Variants in SUCLA2 observed in about 807,000 individuals in gnomAD.
The protein encoded by SUCLA2 is succinate-CoA ligase ADP-forming subunit beta, also known as succinate--CoA ligase [ADP-forming] subunit beta, mitochondrial.
SUCLA2 carries 30 observed loss-of-function variants against 54.8 expected under a neutral mutation model. The observed-to-expected ratio is 0.55, with a 90% CI of 0.41 to 0.74. The LOEUF is 0.74. Ranked by LOEUF, SUCLA2 falls within the 30% of genes least tolerant of loss-of-function variation. The pLI, the probability that SUCLA2 is intolerant of heterozygous loss-of-function variation, is 0.00. For synonymous variants in SUCLA2, 172 were observed against 188.9 expected (o/e 0.91, Z 0.74); for missense variants, 476 against 562.9 (o/e 0.85, Z 1.56).
At chr13:47,998,767 C>T (rs1276044851) in intron 1 of SUCLA2, among the ~76,000 whole-genome samples, 1 of 152,148 alleles carries the variant, frequency 6.6e-6, no homozygotes, top group Non-Finnish European at 1.5e-5. Flanking sequence ...AGAGAGAGGA[C>T]ATGAGAGCCT....
chr13:47,962,090 A>T (rs1949875494), intron 6 of SUCLA2, among the ~76,000 whole-genome samples: 1 of 152,162 alleles, frequency 6.6e-6, no homozygotes, highest in Non-Finnish European at 1.5e-5. Context: ...GACTGAAATA[A>T]TTTTTATGGC....
chr13:47,982,125 A>G (rs955461253), intron 4 of SUCLA2, among the ~76,000 whole-genome samples: 4 of 152,240 alleles, frequency 2.6e-5, no homozygotes, highest in African/African-American at 9.6e-5. Flanking sequence ...TGAAAACAGG[A>G]TCTCAAAGAA....
chr13:47,946,300 G>A (rs1566079843), intron 10 of SUCLA2, among the ~76,000 whole-genome samples: 1 of 152,172 alleles, frequency 6.6e-6, no homozygotes, highest in Non-Finnish European at 1.5e-5. Flanking sequence ...CTGTGATTCA[G>A]GCACCCACTA....
rs1315161171 is a variant in SUCLA2, at chr13:48,000,496, G to C, written c.90+684C>G. ...TGCTGAAAAACCTGAGAAACTACAC[G>C]TAAAGCGCTTAGCACATTACCTGGC... On this transcript the variant is annotated intron_variant, in intron 1 of 10. Coordinates refer to ENST00000646932, the MANE Select transcript of SUCLA2 (RefSeq NM_003850.3). Among the ~76,000 whole-genome samples the C allele has an allele frequency of 3.9e-5, 6 of 152,150 alleles. No individual in the cohort carries two copies. In the East Asian group the frequency reaches 1.2e-3, roughly 29 times the overall value.
Position 47,968,598 on chromosome 13 carries a change from C to G in SUCLA2, c.799G>C (p.Ala267Pro). The change falls in exon 6 of 11, where the codon GCT becomes CCT. Residue 267 changes from alanine (A) to proline (P), a missense_variant. By Grantham distance (27) the Ala-to-Pro change is conservative (BLOSUM62 -1). Coordinates refer to ENST00000646932, the MANE Select transcript of SUCLA2 (RefSeq NM_003850.3). ...INPMVEDSDGAVLCMDAKINF... is the reference protein window; with the variant it reads ...INPMVEDSDGPVLCMDAKINF... ...TAGACAAAAGAAGATACTTTACCAG[C>G]TCCATCTGAATCTTCCACCATTGGA... 2 of 1,611,610 alleles carry G rather than the reference C, an allele frequency of 1.2e-6. No homozygotes were observed. The highest frequency in any genetic ancestry group is 1.7e-6 in the Non-Finnish European group (2 of 1,179,720).
In SUCLA2 at chr13:47,943,209, TG is replaced by T; in HGVS notation, c.*161del. 8.0e-6 allele frequency: 6 copies of T among 749,006 alleles called. No homozygotes were observed. The highest frequency in any genetic ancestry group is 1.4e-5 in the Non-Finnish European group (6 of 416,394). The allele number at this position is 749,006 out of a possible 1,614,324, so 46.4% of individuals were successfully genotyped here. ...CTTCGTACAAACAGTCCATTCTGAA[TG>T]GTACAATTAAATGCAGTCCAAATCC... On this transcript the variant is annotated 3_prime_UTR_variant, in exon 11 of 11. Transcript: ENST00000646932.
At chr13:47,980,812 A>C (rs1950055713) in intron 4 of SUCLA2, among the ~76,000 whole-genome samples, 1 of 152,172 alleles carries the variant, frequency 6.6e-6, no homozygotes, top group African/African-American at 2.4e-5. Context: ...AATGATCTTC[A>C]ACAATGGTGG....
intron 10 of SUCLA2, among the ~76,000 whole-genome samples, chr13:47,947,512 TATA>T (rs1949742218): frequency 6.6e-6 from 1 of 152,172 alleles, no homozygotes; most frequent in Admixed American, 6.5e-5. Flanking sequence ...AAGCATTACA[TATA>T]ATAAGTGAAG....
intron 6 of SUCLA2, among the ~76,000 whole-genome samples, chr13:47,967,053 T>G (rs985927575): frequency 6.6e-6 from 1 of 152,134 alleles, no homozygotes; most frequent in Non-Finnish European, 1.5e-5. Flanking sequence ...TTATATTAAT[T>G]TCCAATGTTA....
chr13:47,979,040 A>C (rs1018749973), intron 4 of SUCLA2, among the ~76,000 whole-genome samples: 2 of 152,236 alleles, frequency 1.3e-5, no homozygotes, highest in Non-Finnish European at 2.9e-5. Flanking sequence ...AATGTGGAGA[A>C]ACAGGAACAC....
At chr13:47,997,096 A>AT (rs1950197769) in intron 1 of SUCLA2, 73 bp from the exon 2 acceptor site, 4 of 1,479,034 alleles carry the variant, frequency 2.7e-6, no homozygotes, top group Non-Finnish European at 3.8e-6. Flanking sequence ...TTGGTTCTTC[A>AT]TAACTATAAC....
At chr13:47,963,886 G>T (rs763032702) in intron 6 of SUCLA2, among the ~76,000 whole-genome samples, 1 of 152,154 alleles carries the variant, frequency 6.6e-6, no homozygotes, top group Non-Finnish European at 1.5e-5. Flanking sequence ...GTGGATTGCC[G>T]AACTGTGACA....
At chr13:47,999,389 G>C (rs1474295480) in intron 1 of SUCLA2, among the ~76,000 whole-genome samples, 1 of 152,118 alleles carries the variant, frequency 6.6e-6, no homozygotes, top group Non-Finnish European at 1.5e-5. Context: ...CAAGAAATTG[G>C]AGGAGGGTCA....
rs143028626 is a variant in SUCLA2 at position 47,981,693 on chromosome 13, G to A, written c.534+6848C>T. On this transcript the variant is annotated intron_variant, in intron 4 of 10. Coordinates refer to ENST00000646932, the MANE Select transcript of SUCLA2 (RefSeq NM_003850.3). ...TAGCCGGGCATGGTGGTGCACGCCT[G>A]TAGTCCCAGCTACTCAGAAGGCTGA... Among the ~76,000 whole-genome samples, 35 of 152,348 alleles carry A rather than the reference G, an allele frequency of 2.3e-4. No homozygotes were observed. The East Asian group carries it at 6.0e-3, about 26-fold the overall frequency.
At chr13:47,965,325 G>A (rs1160842678) in intron 6 of SUCLA2, among the ~76,000 whole-genome samples, 1 of 151,578 alleles carries the variant, frequency 6.6e-6, no homozygotes, top group Non-Finnish European at 1.5e-5. Flanking sequence ...AAAAGCTTCT[G>A]GAAACGATCT....
rs1334843998 is a variant in SUCLA2, at chr13:47,949,690, T to TA, written c.1108-88dup. On this transcript the variant is annotated intron_variant, in intron 8 of 10. Coordinates refer to ENST00000646932, the MANE Select transcript of SUCLA2 (RefSeq NM_003850.3). ...AAATACTAGTATATGTGCTTCATGA[T>TA]AAACATTAACTTGATAGAAAGATTT... 57 of 1,351,630 alleles carry TA rather than the reference T, an allele frequency of 4.2e-5. No individual in the cohort carries two copies. In the South Asian group the frequency reaches 6.0e-4, roughly 14 times the overall value. 83.7% of individuals were successfully genotyped at this position (1,351,630 alleles called of 1,614,324 possible). A position where few individuals can be genotyped will look rare whatever the true frequency, so the allele number is the denominator to read the frequency against.
intron 6 of SUCLA2, among the ~76,000 whole-genome samples, chr13:47,967,669 C>T (rs1449439837): frequency 1.5e-5 from 2 of 135,518 alleles, no homozygotes; most frequent in African/African-American, 5.3e-5. Flanking sequence ...GGTGAAACCT[C>T]ATCTCTACTA....
Position 47,954,502 on chromosome 13 carries a change from C to A in SUCLA2, c.858G>T (p.Lys286Asn), listed in dbSNP as rs1408728947. The change falls in exon 7 of 11, where the codon AAG (lysine) becomes AAT (asparagine). Residue 286 changes from lysine to asparagine, a missense_variant. By Grantham distance (94) the Lys-to-Asn change is moderately conservative. This residue lies in a region of SUCLA2 where 342 missense variants were observed against 444.2 expected (regional missense o/e 0.77). Coordinates refer to ENST00000646932, the MANE Select transcript of SUCLA2 (RefSeq NM_003850.3). ...NFDSNSAYRQ[K>N]KIFDLQDWTQ... ...TCCAGTCCTGTAGATCAAAGATTTT[C>A]TTTTGGCGATAGGCTGAATTAGAGT... 1 of 1,613,710 alleles carries A rather than the reference C, an allele frequency of 6.2e-7. No homozygotes were observed. Among genetic ancestry groups the A allele is most frequent in the African/African-American group, 1.3e-5 (1 of 74,886 alleles).
At chr13:47,956,933 A>T (rs1949826109) in intron 6 of SUCLA2, 1 of 152,250 alleles carries the variant, frequency 6.6e-6, no homozygotes, top group South Asian at 2.1e-4. Context: ...CCAACCCAAT[A>T]GTCCCACAGA....
Sources: gnomAD v4.1 joint callset for allele counts (sites outside exome capture counted in the v4.1 genomes callset) on GRCh38, gnomAD v4.1.1 for gene constraint, gnomAD v4.1.1 regional missense constraint, MANE v1.5 for transcripts, NCBI Gene and HGNC (gene_info 2026-07-23, HGNC 2026-07-21) for gene names.